ADGRL1: variants seen among roughly 807,000 people sequenced by gnomAD.
ADGRL1 encodes the protein CIRL-1.
ADGRL1 carries 31 observed loss-of-function variants against 148.9 expected under a neutral mutation model. That is an observed-to-expected ratio of 0.21 (90% CI 0.16 to 0.28). The LOEUF (loss-of-function observed/expected upper bound fraction) is 0.28, where lower values mean the gene tolerates loss of function less well. Among genes scored for constraint, ADGRL1 ranks in the 10% least tolerant of loss-of-function variants. ADGRL1 has a pLI of 1.00. For synonymous variants in ADGRL1, 937 were observed against 900.3 expected (o/e 1.04, Z -0.73); for missense variants, 1,521 against 2,058.8 (o/e 0.74, Z 5.05).
At position 14,160,554 on chromosome 19, in the gene ADGRL1, G is replaced by C; in HGVS notation, c.1614+39C>G. ...CCGCTGGGCCCTGGGCCCTGGGCCC[G>C]AGCACATGTGCCTGCCTGCGAGGGG... On this transcript the variant is annotated intron_variant, in intron 7 of 22. Coordinates refer to ENST00000361434, the MANE Select transcript of ADGRL1 (RefSeq NM_014921.5). The surrounding 1 kb of genome is among the most constrained non-coding windows in gnomAD (Gnocchi z 5.9). 2 of 1,460,118 alleles carry C rather than the reference G, an allele frequency of 1.4e-6. No homozygotes were observed. Among genetic ancestry groups the C allele is most frequent in the Non-Finnish European group, 9.3e-7 (1 of 1,070,434 alleles). 90.4% of individuals were successfully genotyped at this position (1,460,118 alleles called of 1,614,324 possible). A position where few individuals can be genotyped will look rare whatever the true frequency, so the allele number is the denominator to read the frequency against.
Position 14,162,748 on chromosome 19 carries a change from C to G in ADGRL1, c.1053G>C (p.Glu351Asp). ...YAFNTNANRE[E>D]PVSLTFPNPY... is the part of the protein sequence containing the mutation. The stretch of plus-strand genomic sequence containing the variant: ...GGTTGGGGAAGGTGAGGCTGACAGG[C>G]TCCTCGCGGTTGGCATTGGTGTTGA... The change falls in exon 5 of 23, where the codon GAG becomes GAC. Residue 351 changes from glutamate to aspartate, a missense_variant. Around this residue, in one of 8 missense-constraint regions of ADGRL1, gnomAD observed 270 missense variants for 320.4 expected, o/e 0.84. Coordinates refer to ENST00000361434, the MANE Select transcript of ADGRL1 (RefSeq NM_014921.5). This position sits in a 1 kb window ranked among gnomAD's most constrained non-coding sequence, Gnocchi z 5.4. 2.5e-6 allele frequency: 4 copies of G among 1,614,226 alleles called. No individual in the cohort carries two copies. Among genetic ancestry groups the G allele is most frequent in the Non-Finnish European group, 3.4e-6 (4 of 1,180,038 alleles).
chr19:14,200,739 G>A (rs531412417), intron 1 of ADGRL1, among the ~76,000 whole-genome samples: 2 of 151,830 alleles, frequency 1.3e-5, no homozygotes, highest in Admixed American at 6.5e-5. Flanking sequence ...AGCCTCCCGG[G>A]TAGCTGGGAC....
chr19:14,206,050 C>A lies in ADGRL1; in HGVS notation c.-161G>T, dbSNP rs2145218763. ...CTGCGGCTCGGCGAACCCGGGCCCC[C>A]CGCCCGGCACATCTCCCGGAGCCGG... On this transcript the variant is annotated 5_prime_UTR_variant, in exon 1 of 23. Transcript: ENST00000361434. The A allele has an allele frequency of 6.6e-6, 1 of 152,128 alleles. No individual in the cohort carries two copies. Among genetic ancestry groups the A allele is most frequent in the South Asian group, 2.1e-4 (1 of 4,816 alleles). 9.4% of individuals were successfully genotyped at this position (152,128 alleles called of 1,614,324 possible).
At chr19:14,205,730 TCCGCACCC>T (rs1323276873) in intron 1 of ADGRL1, among the ~76,000 whole-genome samples, 2 of 147,356 alleles carry the variant, frequency 1.4e-5, no homozygotes, top group Non-Finnish European at 3.0e-5. Flanking sequence ...CGGTAGCCCG[TCCGCACCC>T]CCGCGCCCCG....
At chr19:14,163,460 A>T in intron 4 of ADGRL1, 54 bp from the exon 5 acceptor site, 3 of 1,049,008 alleles carry the variant, frequency 2.9e-6, no homozygotes, top group Non-Finnish European at 4.0e-6. Context: ...CAGAGGCGAG[A>T]GGGAGGAGAG....
At position 14,157,336 on chromosome 19, in the gene ADGRL1, C is replaced by T. The variant is rs1968870044; in HGVS notation, c.2660G>A (p.Arg887His). The T allele has an allele frequency of 4.3e-6, 7 of 1,614,186 alleles. No individual in the cohort carries two copies. The highest frequency in any genetic ancestry group is 5.9e-6 in the Non-Finnish European group (7 of 1,180,024). The change falls in exon 14 of 23, where the codon CGC becomes CAC. Residue 887 changes from arginine to histidine, a missense_variant. Transcript: ENST00000361434. The surrounding 1 kb of genome is among the most constrained non-coding windows in gnomAD (Gnocchi z 7.5). ...GCACAGGTTCTTGTGGATGGTGTTG[C>T]GGTCGGTCTGCAGCCCCCGCAGGAA... ...FCFLRGLQTD[R>H]NTIHKNLCIN...
Position 14,152,650 on chromosome 19 carries a change from C to A in ADGRL1, c.3424-37G>T, listed in dbSNP as rs1467245239. ...ACCCAAATGTGAGGGGATCCTTGGG[C>A]CACCCACCCTCTGGCGTCTTTCTGA... On this transcript the variant is annotated intron_variant, in intron 19 of 22. Transcript: ENST00000361434. This position sits in a 1 kb window ranked among gnomAD's most constrained non-coding sequence, Gnocchi z 6.1. 1 of 1,606,386 alleles carries A rather than the reference C, an allele frequency of 6.2e-7. No homozygotes were observed. Among genetic ancestry groups the A allele is most frequent in the Non-Finnish European group, 8.5e-7 (1 of 1,173,642 alleles).
intron 1 of ADGRL1, among the ~76,000 whole-genome samples, chr19:14,188,877 G>A (rs1356650628): frequency 6.6e-6 from 1 of 152,120 alleles, no homozygotes; most frequent in Non-Finnish European, 1.5e-5. Flanking sequence ...GGGTTCAAGT[G>A]ATTCTCCTGC....
chr19:14,155,346 G>T lies in ADGRL1; in HGVS notation c.3294+13C>A. On this transcript the variant is annotated intron_variant, in intron 18 of 22. Transcript: ENST00000361434. This position sits in a 1 kb window ranked among gnomAD's most constrained non-coding sequence, Gnocchi z 5.0. The stretch of plus-strand genomic sequence containing the variant: ...AAGGGAGGCTGTGACCCAGGACCCC[G>T]CCTCGACCTCACCTTCTTCTGTAAG... 6.2e-7 allele frequency: 1 copy of T among 1,612,484 alleles called. No individual in the cohort carries two copies. The highest frequency in any genetic ancestry group is 8.5e-7 in the Non-Finnish European group (1 of 1,179,002).
rs555558272 is a variant in ADGRL1 at position 14,171,133 on chromosome 19, C to T, written c.285-342G>A. On this transcript the variant is annotated intron_variant, in intron 3 of 22. Coordinates refer to ENST00000361434, the MANE Select transcript of ADGRL1 (RefSeq NM_014921.5). The stretch of plus-strand genomic sequence containing the variant: ...CTTTTCCTCCTACTCCAGCCATGTA[C>T]GGCGTGCCTGCTTCCCCTTCACCTT... 22 of 213,538 alleles carry T rather than the reference C, an allele frequency of 1.0e-4. 1 individual carries two copies. The highest frequency in any genetic ancestry group is 2.7e-4 in the South Asian group (4 of 14,566). The allele number at this position is 213,538 out of a possible 1,614,324, so 13.2% of individuals were successfully genotyped here.
intron 1 of ADGRL1, among the ~76,000 whole-genome samples, chr19:14,204,348 G>T (rs1487928604): frequency 6.6e-6 from 1 of 152,074 alleles, no homozygotes; most frequent in South Asian, 2.1e-4. Flanking sequence ...CCCCTGCCGG[G>T]GGCAGACAGG....
At position 14,155,537 on chromosome 19, in the gene ADGRL1, GGGCGACA is replaced by G; in HGVS notation, c.3126-17_3126-11del. The G allele has an allele frequency of 6.2e-7, 1 of 1,612,910 alleles. No homozygotes were observed. The highest frequency in any genetic ancestry group is 2.2e-5 in the East Asian group (1 of 44,870). ...CCCCAGCGCCCAGGATCTGGGAGTG[GGGCGACA>G]GGGGAGTCAAAGTACCCGCCGGAGG... On this transcript the variant is annotated splice_polypyrimidine_tract_variant and intron_variant, in intron 17 of 22. Coordinates refer to ENST00000361434, the MANE Select transcript of ADGRL1 (RefSeq NM_014921.5). The surrounding 1 kb of genome is among the most constrained non-coding windows in gnomAD (Gnocchi z 5.0).
At chr19:14,176,572 C>T (rs1006718991) in intron 3 of ADGRL1, among the ~76,000 whole-genome samples, 16 of 152,230 alleles carry the variant, frequency 1.1e-4, no homozygotes, top group African/African-American at 3.4e-4. Context: ...TGCGGTGGCT[C>T]ATGCCTGTCA....
rs558623576 is a variant in ADGRL1, at chr19:14,183,693, C to T, written c.-91G>A. The T allele has an allele frequency of 9.2e-5, 110 of 1,189,616 alleles. No homozygotes were observed. Among genetic ancestry groups the T allele is most frequent in the Non-Finnish European group, 1.2e-4 (104 of 839,696 alleles). The allele number at this position is 1,189,616 out of a possible 1,614,324, so 73.7% of individuals were successfully genotyped here. A position where few individuals can be genotyped will look rare whatever the true frequency, so the allele number is the denominator to read the frequency against. On this transcript the variant is annotated 5_prime_UTR_variant, in exon 2 of 23. It adds an upstream start codon to the 5' untranslated region. Coordinates refer to ENST00000361434, the MANE Select transcript of ADGRL1 (RefSeq NM_014921.5). ...CTGGCAGGCACCACGGCCTGGACCA[C>T]CAGCCTGGGGGAGGACAGGGAGACT... is the stretch of plus-strand genomic sequence containing the variant.
At chr19:14,171,446 C>T (rs760069710) in intron 3 of ADGRL1, among the ~76,000 whole-genome samples, 2 of 152,194 alleles carry the variant, frequency 1.3e-5, no homozygotes, top group African/African-American at 2.4e-5. Context: ...ACCCGCTAAA[C>T]AGTGCTTTCC....
intron 2 of ADGRL1, among the ~76,000 whole-genome samples, chr19:14,179,833 C>T (rs1235706675): frequency 6.6e-6 from 1 of 152,068 alleles, no homozygotes. Flanking sequence ...TTGCTTGAAC[C>T]CAGGAGGCGG....
chr19:14,196,975 C>A (rs933070819), intron 1 of ADGRL1, among the ~76,000 whole-genome samples: 4 of 152,044 alleles, frequency 2.6e-5, no homozygotes, highest in African/African-American at 9.7e-5. Flanking sequence ...AACGAAGAAC[C>A]TTTTAAAGGT....
At chr19:14,177,484 T>C (rs1367127692) in intron 3 of ADGRL1, 47 bp downstream of exon 3, 4 of 1,566,644 alleles carry the variant, frequency 2.6e-6, no homozygotes, top group Non-Finnish European at 3.5e-6. Flanking sequence ...TGTGCAGTGC[T>C]TTTAGGCGGG....
chr19:14,165,552 A>G (rs1599433409), intron 4 of ADGRL1, among the ~76,000 whole-genome samples: 1 of 152,074 alleles, frequency 6.6e-6, no homozygotes, highest in Non-Finnish European at 1.5e-5. Context: ...CAAACTCCCA[A>G]TCCCTCCTCT....
Sources: gnomAD v4.1 joint callset for allele counts (sites outside exome capture counted in the v4.1 genomes callset) on GRCh38, gnomAD v4.1.1 for gene constraint, gnomAD v4.1.1 regional missense constraint, Gnocchi (gnomAD v3.1) non-coding constraint, MANE v1.5 for transcripts, NCBI Gene and HGNC (gene_info 2026-07-23, HGNC 2026-07-21) for gene names.